GPHN: variants seen among roughly 807,000 people sequenced by gnomAD.
GPHN encodes the protein gephyrin.
Under a neutral mutation model 95.5 loss-of-function variants are expected in GPHN, and 17 were observed. The ratio of observed to expected loss-of-function variants is 0.18; its 90% CI spans 0.12 to 0.27. GPHN has a LOEUF of 0.27. Among genes scored for constraint, GPHN ranks in the 10% least tolerant of loss-of-function variants. GPHN has a pLI of 1.00. For missense variants in GPHN, 660 were observed against 978.1 expected (o/e 0.67, Z 4.34); for synonymous variants, 320 against 322.5 (o/e 0.99, Z 0.08).
the GPHN span, chr14:67,690,102 C>A: frequency 1.1e-6 from 1 of 878,116 alleles, no homozygotes; most frequent in Non-Finnish European, 1.8e-6. Context: ...ATTATAGCCA[C>A]GGAAGCAGGT....
chr14:67,701,425 C>CTTTTTTTTTT, the GPHN span, among the ~76,000 whole-genome samples: 1 of 71,128 alleles, frequency 1.4e-5, no homozygotes, highest in Non-Finnish European at 2.8e-5. Context: ...ATTATAATTT[C>CTTTTTTTTTT]TTTTTTTTTT....
At chr14:66,528,919 G>A (rs964092431) in intron 1 of GPHN, among the ~76,000 whole-genome samples, 10 of 152,112 alleles carry the variant, frequency 6.6e-5, no homozygotes. Flanking sequence ...TTCAACCTCA[G>A]TGAATCTGTC....
the GPHN span, among the ~76,000 whole-genome samples, chr14:67,358,566 G>A: frequency 9.2e-5 from 14 of 152,090 alleles, no homozygotes; most frequent in Non-Finnish European, 2.1e-4. Context: ...CAGGCGCGGT[G>A]GCTCCCATCT....
the GPHN span, among the ~76,000 whole-genome samples, chr14:67,513,068 C>T: frequency 3.9e-5 from 6 of 152,172 alleles, no homozygotes; most frequent in African/African-American, 1.4e-4. Flanking sequence ...TCTTAAATCA[C>T]TTTATAAATG....
At chr14:67,510,314 AAGTG>A in the GPHN span, among the ~76,000 whole-genome samples, 1 of 152,220 alleles carries the variant, frequency 6.6e-6, no homozygotes, top group African/African-American at 2.4e-5. Context: ...AAGGTCACAC[AAGTG>A]AGTGAGTCAG....
At chr14:67,359,433 G>A in the GPHN span, among the ~76,000 whole-genome samples, 2 of 152,194 alleles carry the variant, frequency 1.3e-5, no homozygotes, top group Non-Finnish European at 1.5e-5. Flanking sequence ...CGCCGGCCGG[G>A]CGCCTTTTCC....
intron 8 of GPHN, among the ~76,000 whole-genome samples, chr14:66,942,356 ATTTC>A (rs1305313292): frequency 6.6e-6 from 1 of 152,116 alleles, no homozygotes; most frequent in Non-Finnish European, 1.5e-5. Flanking sequence ...TGAACATTTT[ATTTC>A]TTTATGAGTC....
chr14:66,607,508 G>T lies in GPHN; in HGVS notation c.65-73599G>T, dbSNP rs939459215. Among the ~76,000 whole-genome samples the T allele has an allele frequency of 4.0e-4, 61 of 151,722 alleles. 1 individual carries two copies. The highest frequency in any genetic ancestry group is 1.6e-4 in the Non-Finnish European group (11 of 67,904). ...TTGGTATCAGGATAATTCTGGCCTTGTAGAATGAGTTAGGGAGCAGGGGGA... is the reference window on the plus strand; with the variant it reads ...TTGGTATCAGGATAATTCTGGCCTTTTAGAATGAGTTAGGGAGCAGGGGGA... On this transcript the variant is annotated intron_variant, in intron 1 of 22. Transcript: ENST00000478722.
At position 67,106,753 on chromosome 14, in the gene GPHN, T is replaced by C. The variant is rs533549914; in HGVS notation, c.1294-3387T>C. 2.0e-5 allele frequency among the ~76,000 whole-genome samples: 3 copies of C among 152,344 alleles called. No individual in the cohort carries two copies. In the South Asian group the frequency reaches 6.2e-4, roughly 32 times the overall value. On this transcript the variant is annotated intron_variant, in intron 13 of 22. Coordinates refer to ENST00000478722, the MANE Select transcript of GPHN (RefSeq NM_020806.5). ...TATCGCTAGGTTTTGTTTTTGTTTT[T>C]GTTTTTGTTTTATCTAATTGAGTTT... is the stretch of plus-strand genomic sequence containing the variant.
intron 2 of GPHN, among the ~76,000 whole-genome samples, chr14:66,715,790 G>A (rs769812798): frequency 1.3e-5 from 2 of 152,090 alleles, no homozygotes; most frequent in Non-Finnish European, 2.9e-5. Flanking sequence ...GCATGGTTTT[G>A]AATGTTTCTT....
At chr14:67,717,774 T>C in the GPHN span, 1 of 152,196 alleles carries the variant, frequency 6.6e-6, no homozygotes, top group Non-Finnish European at 1.5e-5. Context: ...AGGCTCAAAA[T>C]GTCAATAGGC....
At chr14:67,573,864 G>C in the GPHN span, 2 of 1,613,484 alleles carry the variant, frequency 1.2e-6, no homozygotes, top group Non-Finnish European at 1.7e-6. The surrounding 1 kb of genome is among the most constrained non-coding windows in gnomAD (Gnocchi z 4.8). Flanking sequence ...AATTGTTCGA[G>C]GGGAGGGTTC....
intron 3 of GPHN, among the ~76,000 whole-genome samples, chr14:66,815,674 G>A (rs565077838): frequency 6.6e-6 from 1 of 152,162 alleles, no homozygotes; most frequent in Non-Finnish European, 1.5e-5. Context: ...ACTAAGTGTG[G>A]AAAGGAAAGA....
At chr14:67,313,531 C>T in the GPHN span, among the ~76,000 whole-genome samples, 1 of 151,960 alleles carries the variant, frequency 6.6e-6, no homozygotes, top group Non-Finnish European at 1.5e-5. Context: ...TCTTACAGTT[C>T]CCAGGATGGC....
At chr14:67,573,467 GGGAATGT>G in the GPHN span, 17 of 973,442 alleles carry the variant, frequency 1.7e-5, no homozygotes, top group Non-Finnish European at 2.7e-5. The surrounding 1 kb of genome is among the most constrained non-coding windows in gnomAD (Gnocchi z 4.8). Context: ...ACGGAGGAGG[GGGAATGT>G]GGCCCAAGGC....
chr14:67,456,258 C>T, the GPHN span, among the ~76,000 whole-genome samples: 8 of 152,170 alleles, frequency 5.3e-5, no homozygotes, highest in Non-Finnish European at 7.4e-5. Context: ...AAATCAAAAC[C>T]GCAATGAGAT....
chr14:67,694,782 G>A, the GPHN span, among the ~76,000 whole-genome samples: 1 of 151,784 alleles, frequency 6.6e-6, no homozygotes, highest in African/African-American at 2.4e-5. Flanking sequence ...GGTGACTGTG[G>A]TAAGAAATGA....
intron 1 of GPHN, among the ~76,000 whole-genome samples, chr14:66,627,285 C>CT: frequency 1.3e-5 from 2 of 151,948 alleles, no homozygotes; most frequent in Non-Finnish European, 2.9e-5. Context: ...CAATTTTACT[C>CT]TTTTTCTCAC....
the GPHN span, chr14:67,303,705 TTCAA>T: frequency 1.4e-6 from 1 of 704,258 alleles, no homozygotes; most frequent in African/African-American, 2.1e-5. Context: ...CTCAAATAAA[TTCAA>T]TCATTTTTAT....
Sources: allele counts gnomAD v4.1 joint callset (sites outside exome capture counted in the v4.1 genomes callset), GRCh38; gene constraint gnomAD v4.1.1; non-coding constraint Gnocchi (gnomAD v3.1); transcripts MANE v1.5; gene names NCBI Gene and HGNC (gene_info 2026-07-23, HGNC 2026-07-21).